The following VAPB variants were observed in gnomAD, a reference collection of about 807,000 sequenced individuals.
VAPB encodes VAMP associated protein B and C, also known as vesicle-associated membrane protein-associated protein B/C.
In VAPB, 7 loss-of-function variants were observed where a neutral mutation model predicts 25.6. The ratio of observed to expected loss-of-function variants is 0.27; its 90% CI spans 0.16 to 0.51. VAPB has a LOEUF of 0.51. Among genes scored for constraint, VAPB ranks in the 20% least tolerant of loss-of-function variants. VAPB has a pLI of 0.97. For missense variants in VAPB, 266 were observed against 301.3 expected, an observed-to-expected ratio of 0.88 and a Z score of 0.87; for synonymous variants, 112 against 109.2, an observed-to-expected ratio of 1.03 and a Z score of -0.16.
intron 2 of VAPB, among the ~76,000 whole-genome samples, chr20:58,421,762 G>A (rs1228609917): frequency 2.6e-5 from 4 of 152,280 alleles, no homozygotes; most frequent in Non-Finnish European, 5.9e-5. Flanking sequence ...TGGTAATGAT[G>A]TCTGCCCATG....
rs1358658543 is a variant in VAPB at position 58,434,699 on chromosome 20, A to G, written c.309A>G (p.Glu103=). The change falls in exon 3 of 6, where the codon GAA becomes GAG. Residue 103 remains glutamate, a synonymous_variant. Coordinates refer to ENST00000475243, the MANE Select transcript of VAPB (RefSeq NM_004738.5). ...MFAPTDTSDM[E]AVWKEAKPED... is the part of the protein sequence containing the mutation. ...CTCCAACTGACACTTCAGATATGGAAGCAGTAGTAAGTACTGAATGCTTCT... is the reference window on the plus strand; with the variant it reads ...CTCCAACTGACACTTCAGATATGGAGGCAGTAGTAAGTACTGAATGCTTCT... 1 of 1,482,420 alleles carries G rather than the reference A, an allele frequency of 6.7e-7. No individual in the cohort carries two copies. The highest frequency in any genetic ancestry group is 9.4e-7 in the Non-Finnish European group (1 of 1,060,720). 91.8% of individuals were successfully genotyped at this position (1,482,420 alleles called of 1,614,324 possible).
intron 2 of VAPB, among the ~76,000 whole-genome samples, chr20:58,426,161 G>A (rs1353650990): frequency 6.6e-6 from 1 of 152,172 alleles, no homozygotes; most frequent in African/African-American, 2.4e-5. Context: ...CTCCCAAAGT[G>A]CTGGGATTAC....
At position 58,445,504 on chromosome 20, in the gene VAPB, A is replaced by G. The variant is rs914783677; in HGVS notation, c.*1269A>G. The G allele has an allele frequency of 2.0e-5, 9 of 454,392 alleles. No homozygotes were observed. Among genetic ancestry groups the G allele is most frequent in the African/African-American group, 1.0e-4 (5 of 50,006 alleles). The allele number at this position is 454,392 out of a possible 1,614,324, so 28.1% of individuals were successfully genotyped here. On this transcript the variant is annotated 3_prime_UTR_variant, in exon 6 of 6. Coordinates refer to ENST00000475243, the MANE Select transcript of VAPB (RefSeq NM_004738.5). ...AAGACCAACCCAGTTCTGTTTGACTATGTAGCATCTTGAAAAGAAAAATTA... is the reference window on the plus strand; with the variant it reads ...AAGACCAACCCAGTTCTGTTTGACTGTGTAGCATCTTGAAAAGAAAAATTA...
At chr20:58,441,107 C>T in intron 5 of VAPB, 24 bp downstream of exon 5, 2 of 1,611,732 alleles carry the variant, frequency 1.2e-6, no homozygotes, top group Non-Finnish European at 8.5e-7. Context: ...TTCTGGTAAT[C>T]TACAGAAAAC....
chr20:58,433,686 A>G (rs1294381409), intron 2 of VAPB, among the ~76,000 whole-genome samples: 2 of 152,196 alleles, frequency 1.3e-5, no homozygotes, highest in Admixed American at 6.5e-5. Flanking sequence ...AATAGTACCT[A>G]CTTTTTAAGG....
At chr20:58,443,930 C>A in intron 5 of VAPB, 147 bp from the exon 6 acceptor site, 1 of 1,094,822 alleles carries the variant, frequency 9.1e-7, no homozygotes, top group Non-Finnish European at 1.4e-6. Flanking sequence ...CCCTCTGTAG[C>A]CTGCAGTTTC....
intron 2 of VAPB, among the ~76,000 whole-genome samples, chr20:58,423,804 A>T (rs190821803): frequency 1.1e-3 from 165 of 152,350 alleles, no homozygotes; most frequent in Middle Eastern, 3.4e-3. Flanking sequence ...AGTGGTTTCC[A>T]TGAACCAGGC....
chr20:58,391,066 G>T (rs939638082), intron 1 of VAPB, among the ~76,000 whole-genome samples: 1 of 152,232 alleles, frequency 6.6e-6, no homozygotes, highest in East Asian at 1.9e-4. Context: ...GATTGGGAAA[G>T]AAGTCCAGGT....
intron 1 of VAPB, among the ~76,000 whole-genome samples, chr20:58,393,651 C>A (rs1288915294): frequency 6.6e-6 from 1 of 152,186 alleles, no homozygotes; most frequent in Non-Finnish European, 1.5e-5. Flanking sequence ...AGCCCATTCC[C>A]CCAGCAATGA....
At chr20:58,437,515 G>A (rs1005604639) in intron 3 of VAPB, among the ~76,000 whole-genome samples, 1 of 152,166 alleles carries the variant, frequency 6.6e-6, no homozygotes, top group Non-Finnish European at 1.5e-5. Context: ...TGCCCCTGTG[G>A]TTAATAGGTA....
At position 58,446,942 on chromosome 20, in the gene VAPB, TG is replaced by T; in HGVS notation, c.*2711del. The T allele has an allele frequency of 2.2e-6, 1 of 454,058 alleles. No individual in the cohort carries two copies. Among genetic ancestry groups the T allele is most frequent in the Non-Finnish European group, 4.4e-6 (1 of 226,778 alleles). The allele number at this position is 454,058 out of a possible 1,614,324, so 28.1% of individuals were successfully genotyped here. On this transcript the variant is annotated 3_prime_UTR_variant, in exon 6 of 6. Coordinates refer to ENST00000475243, the MANE Select transcript of VAPB (RefSeq NM_004738.5). The stretch of plus-strand genomic sequence containing the variant: ...GAATAAGGCAAAGAGGAGGTGAATA[TG>T]GGGCCTGTCACAACGGCCTGCCCTG...
chr20:58,438,298 G>C (rs965134954), intron 3 of VAPB, among the ~76,000 whole-genome samples: 1 of 152,016 alleles, frequency 6.6e-6, no homozygotes, highest in Non-Finnish European at 1.5e-5. Flanking sequence ...TTATTTTTGA[G>C]ACAGAGTCTC....
intron 1 of VAPB, among the ~76,000 whole-genome samples, chr20:58,389,831 C>T (rs1426374477): frequency 1.3e-5 from 2 of 152,224 alleles, no homozygotes; most frequent in African/African-American, 4.8e-5. Flanking sequence ...GTGTGAGCCT[C>T]CGCCGCTGCC....
chr20:58,448,658 G>A lies in VAPB; in HGVS notation c.*4423G>A, dbSNP rs1359583955. On this transcript the variant is annotated 3_prime_UTR_variant, in exon 6 of 6. Transcript: ENST00000475243. ...CCTGCCTCAGCTACTCTGCCCGTCT[G>A]TACATCTTTTGTGTCTGCCTCCGTA... 1.1e-5 allele frequency: 5 copies of A among 453,852 alleles called. No homozygotes were observed. The highest frequency in any genetic ancestry group is 2.2e-5 in the Non-Finnish European group (5 of 226,702). The allele number at this position is 453,852 out of a possible 1,614,324, so 28.1% of individuals were successfully genotyped here. A position where few individuals can be genotyped will look rare whatever the true frequency, so the allele number is the denominator to read the frequency against.
intron 3 of VAPB, among the ~76,000 whole-genome samples, chr20:58,436,030 G>A (rs936678462): frequency 3.3e-5 from 5 of 152,162 alleles, no homozygotes; most frequent in African/African-American, 1.2e-4. Context: ...TGTAAAATAG[G>A]GATAAAAATG....
In VAPB at chr20:58,444,073, G is replaced by T. The variant is rs201798741; in HGVS notation, c.574-4G>T. ...GTCTTTGAAATGTGCGTTTGCTCCCGTAGGAAGAAGATGGACTGCGGATGA... is the reference window on the plus strand; with the variant it reads ...GTCTTTGAAATGTGCGTTTGCTCCCTTAGGAAGAAGATGGACTGCGGATGA... On this transcript the variant is annotated splice_polypyrimidine_tract_variant and splice_region_variant and intron_variant, in intron 5 of 5. Coordinates refer to ENST00000475243, the MANE Select transcript of VAPB (RefSeq NM_004738.5). The T allele has an allele frequency of 1.2e-6, 2 of 1,614,032 alleles. No homozygotes were observed. The highest frequency in any genetic ancestry group is 2.7e-5 in the African/African-American group (2 of 74,904).
intron 1 of VAPB, among the ~76,000 whole-genome samples, chr20:58,395,716 T>C (rs1321331458): frequency 6.6e-6 from 1 of 152,210 alleles, no homozygotes; most frequent in Admixed American, 6.5e-5. Context: ...TTTTCTATCA[T>C]TTTAGGCCCC....
At chr20:58,412,525 C>T (rs1988405215) in intron 1 of VAPB, among the ~76,000 whole-genome samples, 1 of 142,466 alleles carries the variant, frequency 7.0e-6, no homozygotes. Flanking sequence ...TGCAGTGAGC[C>T]AAGATCGTGC....
chr20:58,391,602 C>T (rs1383184712), intron 1 of VAPB, among the ~76,000 whole-genome samples: 1 of 151,992 alleles, frequency 6.6e-6, no homozygotes, highest in East Asian at 1.9e-4. Flanking sequence ...GGCGCCATCT[C>T]ACTGCAGCCT....
Sources: gnomAD v4.1 joint callset for allele counts (sites outside exome capture counted in the v4.1 genomes callset) on GRCh38, gnomAD v4.1.1 for gene constraint, MANE v1.5 for transcripts, NCBI Gene and HGNC (gene_info 2026-07-23, HGNC 2026-07-21) for gene names.